The following TECPR1 variants were observed in gnomAD, a reference collection of about 807,000 sequenced individuals.
The protein encoded by TECPR1 is tectonin beta-propeller repeat-containing protein 1.
TECPR1 carries 122 observed loss-of-function variants against 162.4 expected under a neutral mutation model. The ratio of observed to expected loss-of-function variants is 0.75; its 90% confidence interval spans 0.65 to 0.87. TECPR1 has a LOEUF of 0.87. TECPR1 is among the 40% of genes least tolerant of loss of function. TECPR1 has a pLI of 0.00. For synonymous variants in TECPR1, 642 were observed against 670.6 expected, an observed-to-expected ratio of 0.96 and a Z score of 0.66; for missense variants, 1,432 against 1,618.2, an observed-to-expected ratio of 0.88 and a Z score of 1.97.
intron 9 of TECPR1, among the ~76,000 whole-genome samples, chr7:98,237,777 G>T (rs776161031): frequency 6.8e-6 from 1 of 147,912 alleles, no homozygotes; most frequent in East Asian, 2.1e-4. Context: ...AATGTTTTTG[G>T]TTTTTTTTAG....
chr7:98,243,510 G>A lies in TECPR1; in HGVS notation c.614C>T (p.Pro205Leu), dbSNP rs1206445837. 1 of 1,612,652 alleles carries A rather than the reference G, an allele frequency of 6.2e-7. No individual in the cohort carries two copies. Among genetic ancestry groups the A allele is most frequent in the Non-Finnish European group, 8.5e-7 (1 of 1,179,822 alleles). ...AGCCCACACTGACAGGCGGCCCACA[G>A]GCTCCTCCGTGATCTCCCAGCCCCC... is the stretch of plus-strand genomic sequence containing the variant. ...SVGGWEITEE[P>L]VGRLSVWAVS... The change falls in exon 6 of 26, where the codon CCT becomes CTT. Residue 205 changes from proline (P) to leucine (L), a missense_variant. Transcript: ENST00000447648.
At chr7:98,235,849 A>AAAAAAAAAAAAAAAAACAC in intron 10 of TECPR1, among the ~76,000 whole-genome samples, 1 of 110,344 alleles carries the variant, frequency 9.1e-6, no homozygotes, top group African/African-American at 3.1e-5. Flanking sequence ...AAAAAAAAAA[A>AAAAAAAAAAAAAAAAACAC]AACACCATCT....
Position 98,214,637 on chromosome 7 carries a change from G to C in TECPR1, c.*2753C>G, listed in dbSNP as rs1330757004. The C allele has an allele frequency of 6.6e-6, 1 of 152,238 alleles. No homozygotes were observed. The highest frequency in any genetic ancestry group is 2.4e-5 in the African/African-American group (1 of 41,454). 9.4% of individuals were successfully genotyped at this position (152,238 alleles called of 1,614,324 possible). ...TCCGGCTGAGCCATGGCCAGAGCAG[G>C]GCTCAGTCTGCCCCTGAACTTGCTG... On this transcript the variant is annotated 3_prime_UTR_variant, in exon 26 of 26. Coordinates refer to ENST00000447648, the MANE Select transcript of TECPR1 (RefSeq NM_015395.3).
At chr7:98,248,845 C>CA (rs71112130) in intron 2 of TECPR1, among the ~76,000 whole-genome samples, 53,144 of 144,756 alleles carry the variant, frequency 0.37, 11,389 homozygotes, top group Middle Eastern at 0.56. Flanking sequence ...GACTCCGTCT[C>CA]AAAAAAAAAC....
intron 16 of TECPR1, 27 bp from the exon 17 acceptor site, chr7:98,228,143 C>T (rs774166781): frequency 8.4e-6 from 13 of 1,555,778 alleles, no homozygotes; most frequent in Non-Finnish European, 1.1e-5. Flanking sequence ...CTGCTGGGAC[C>T]GAGGCCACAT....
chr7:98,224,816 G>A lies in TECPR1; in HGVS notation c.2675C>T (p.Ala892Val). The change falls in exon 19 of 26, where the codon GCC becomes GTC. Residue 892 changes from alanine (A) to valine (V), a missense_variant. Transcript: ENST00000447648. Reference protein sequence around the residue: ...GGTDQEGWQYASDFPASYHGS... With the variant: ...GGTDQEGWQYVSDFPASYHGS... ...AGAGGCTTACGCAGGGAAGTCGCTG[G>A]CATACTGCCACCCCTCCTGGTCCGT... is the stretch of plus-strand genomic sequence containing the variant. 6.3e-7 allele frequency: 1 copy of A among 1,581,978 alleles called. No homozygotes were observed. The highest frequency in any genetic ancestry group is 8.6e-7 in the Non-Finnish European group (1 of 1,164,850).
intron 23 of TECPR1, among the ~76,000 whole-genome samples, chr7:98,221,048 TC>T (rs1249098060): frequency 7.0e-6 from 1 of 143,430 alleles, no homozygotes; most frequent in Non-Finnish European, 1.5e-5. Flanking sequence ...ACACCTGTAA[TC>T]CCAGCACTTT....
chr7:98,231,192 C>A (rs753821336), intron 14 of TECPR1, 32 bp downstream of exon 14: 1 of 1,609,398 alleles, frequency 6.2e-7, no homozygotes, highest in Non-Finnish European at 8.5e-7. Context: ...GCTATCCCTC[C>A]CCCCGGCCCG....
In TECPR1 at chr7:98,233,509, C is replaced by A; in HGVS notation, c.1584G>T (p.Val528=). The A allele has an allele frequency of 6.5e-7, 1 of 1,533,852 alleles. No individual in the cohort carries two copies. The highest frequency in any genetic ancestry group is 8.7e-7 in the Non-Finnish European group (1 of 1,143,818). ...CCCAGGCCCACAGCGGGTGGTCATC[C>A]ACCCCATACGGCTCCTCCAAGCCCA... ...LPLGLEEPYG[V]DDHPLWAWVS... Residue 528 remains valine, a synonymous_variant, in exon 11 of 26, where the codon GTG becomes GTT. Transcript: ENST00000447648.
Position 98,218,549 on chromosome 7 carries a change from A to C in TECPR1, c.3158-507T>G, listed in dbSNP as rs538715969. Among the ~76,000 whole-genome samples the C allele has an allele frequency of 4.4e-4, 67 of 152,356 alleles. 1 individual carries two copies. The highest frequency in any genetic ancestry group is 3.4e-3 in the Middle Eastern group (1 of 292). On this transcript the variant is annotated intron_variant, in intron 23 of 25. Coordinates refer to ENST00000447648, the MANE Select transcript of TECPR1 (RefSeq NM_015395.3). ...CTCAGGTTACAAAATCAATGCACAC[A>C]AATTAGTAGCACTGCTACATGCCAG...
chr7:98,222,213 A>G (rs1238109510), intron 22 of TECPR1, among the ~76,000 whole-genome samples, 173 bp downstream of exon 22: 2 of 152,180 alleles, frequency 1.3e-5, no homozygotes, highest in Non-Finnish European at 2.9e-5. Context: ...GCCTGGCTCC[A>G]GCTGCCCCAT....
chr7:98,248,537 A>G (rs1798971414), intron 2 of TECPR1, among the ~76,000 whole-genome samples: 1 of 144,896 alleles, frequency 6.9e-6, no homozygotes, highest in Non-Finnish European at 1.5e-5. Flanking sequence ...CACCGGCAAA[A>G]AAAAAAAAAA....
At position 98,231,092 on chromosome 7, in the gene TECPR1, G is replaced by C; in HGVS notation, c.2151C>G (p.Cys717Trp). The C allele has an allele frequency of 2.5e-6, 4 of 1,603,520 alleles. No individual in the cohort carries two copies. The highest frequency in any genetic ancestry group is 3.4e-6 in the Non-Finnish European group (4 of 1,175,922). The change falls in exon 15 of 26, where the codon TGC (cysteine) becomes TGG (tryptophan). Residue 717 changes from cysteine to tryptophan, a missense_variant. Physicochemically the swap from Cys to Trp is radical, Grantham distance 215. Transcript: ENST00000447648. ...DWLALLSLSCCESRKVQGRPS... is the reference protein window; with the variant it reads ...DWLALLSLSCWESRKVQGRPS... ...GGCGGCCCTGCACCTTCCGGCTCTC[G>C]CAGCAAGACAGGCTGAGCAGGGCGA...
intron 16 of TECPR1, 69 bp downstream of exon 16, chr7:98,228,970 G>A: frequency 6.5e-7 from 1 of 1,542,974 alleles, no homozygotes; most frequent in Non-Finnish European, 8.7e-7. Context: ...CCTTGGGCAG[G>A]GAACCCAGAC....
At chr7:98,220,431 G>A (rs1367221347) in intron 23 of TECPR1, among the ~76,000 whole-genome samples, 1 of 152,000 alleles carries the variant, frequency 6.6e-6, no homozygotes, top group Non-Finnish European at 1.5e-5. Context: ...GTCTTGCTCT[G>A]TCACCCAGGC....
intron 8 of TECPR1, among the ~76,000 whole-genome samples, 164 bp from the exon 9 acceptor site, chr7:98,238,774 C>T (rs1584348609): frequency 6.6e-6 from 1 of 152,328 alleles, no homozygotes; most frequent in East Asian, 1.9e-4. Context: ...CCGTGATCCA[C>T]GCCGCTCTTC....
At chr7:98,217,668 C>T (rs1309276214) in intron 25 of TECPR1, 24 bp downstream of exon 25, 6 of 1,527,488 alleles carry the variant, frequency 3.9e-6, no homozygotes, top group South Asian at 2.4e-5. Flanking sequence ...GATAACACAG[C>T]CCAAGGCCGC....
rs150571488 is a variant in TECPR1, at chr7:98,221,569, C to T, written c.3157+92G>A. On this transcript the variant is annotated intron_variant, in intron 23 of 25. Coordinates refer to ENST00000447648, the MANE Select transcript of TECPR1 (RefSeq NM_015395.3). ...CTCGAACTCCTGATCTCAGGTGATC[C>T]GCTGGCCTCGGCCTCCCAAAGTGCT... 1,693 of 1,112,966 alleles carry T rather than the reference C, an allele frequency of 1.5e-3. 21 individuals are homozygous for T. In the African/African-American group the frequency reaches 0.019, roughly 13 times the overall value. 68.9% of individuals were successfully genotyped at this position (1,112,966 alleles called of 1,614,324 possible).
At position 98,233,440 on chromosome 7, in the gene TECPR1, T is replaced by A. The variant is rs748488069; in HGVS notation, c.1653A>T (p.Arg551Ser). The change falls in exon 11 of 26, where the codon AGA becomes AGT. Residue 551 changes from arginine to serine, a missense_variant. Coordinates refer to ENST00000447648, the MANE Select transcript of TECPR1 (RefSeq NM_015395.3). ...CCTTACCCGCCTGGACAGTGAACCA[T>A]CTGGGCATGGCACATGCCTCCACCA... ...GCVVEACAMP[R>S]WFTVQAGLSS... The A allele has an allele frequency of 6.9e-7, 1 of 1,457,628 alleles. No homozygotes were observed. The highest frequency in any genetic ancestry group is 9.1e-7 in the Non-Finnish European group (1 of 1,104,534). 90.3% of individuals were successfully genotyped at this position (1,457,628 alleles called of 1,614,324 possible).
Sources: gnomAD v4.1 joint callset for allele counts (sites outside exome capture counted in the v4.1 genomes callset) on GRCh38, gnomAD v4.1.1 for gene constraint, MANE v1.5 for transcripts, NCBI Gene and HGNC (gene_info 2026-07-23, HGNC 2026-07-21) for gene names.